The following NFIA variants were observed in gnomAD, a reference collection of about 807,000 sequenced individuals.
NFIA encodes nuclear factor 1 A-type.
Under a neutral mutation model 62.8 loss-of-function variants are expected in NFIA, and 8 were observed. The ratio of observed to expected loss-of-function variants is 0.13; its 90% CI spans 0.07 to 0.23. The LOEUF is 0.23. Ranked by LOEUF, NFIA falls within the 10% of genes least tolerant of loss-of-function variation. NFIA has a pLI of 1.00. For missense variants in NFIA, 410 were observed against 642.1 expected (o/e 0.64, Z 3.91); for synonymous variants, 235 against 238.1 (o/e 0.99, Z 0.12).
chr1:61,224,322 T>G (rs1394478542), intron 2 of NFIA, among the ~76,000 whole-genome samples: 1 of 151,904 alleles, frequency 6.6e-6, no homozygotes, highest in Non-Finnish European at 1.5e-5. Flanking sequence ...AAAAGTGTGC[T>G]TTTTTGGTGA....
At chr1:61,202,341 C>G (rs992371816) in intron 2 of NFIA, among the ~76,000 whole-genome samples, 1 of 152,108 alleles carries the variant, frequency 6.6e-6, no homozygotes, top group Non-Finnish European at 1.5e-5. Context: ...TTCCCTAAGA[C>G]TCTGGGAAGT....
At chr1:61,359,321 A>G (rs1663156826) in intron 6 of NFIA, 47 bp downstream of exon 6, 1 of 1,611,200 alleles carries the variant, frequency 6.2e-7, no homozygotes, top group Non-Finnish European at 8.5e-7. Flanking sequence ...TGTGAAACTG[A>G]AAATACGTGT....
intron 2 of NFIA, among the ~76,000 whole-genome samples, chr1:61,216,073 A>C (rs1653605465): frequency 6.6e-6 from 1 of 152,202 alleles, no homozygotes; most frequent in African/African-American, 2.4e-5. Flanking sequence ...TGTGATAGTC[A>C]TATCTTGTTG....
chr1:61,273,664 A>G (rs1272646189), intron 2 of NFIA, among the ~76,000 whole-genome samples: 1 of 152,196 alleles, frequency 6.6e-6, no homozygotes, highest in East Asian at 1.9e-4. Context: ...AGTACCGGGG[A>G]TAAGAGAAGA....
chr1:61,407,513 A>G (rs1020324861), intron 9 of NFIA, among the ~76,000 whole-genome samples: 2 of 152,232 alleles, frequency 1.3e-5, no homozygotes, highest in African/African-American at 4.8e-5. Context: ...TGAATGCACA[A>G]ATGTGCCTTT....
chr1:61,156,399 G>A (rs943002628), intron 2 of NFIA, among the ~76,000 whole-genome samples: 6 of 152,098 alleles, frequency 3.9e-5, no homozygotes, highest in Admixed American at 2.6e-4. Flanking sequence ...CCATTGAGAC[G>A]TAGCACTGGG....
intron 2 of NFIA, among the ~76,000 whole-genome samples, chr1:61,262,561 A>AT (rs1346152984): frequency 2.0e-5 from 3 of 152,128 alleles, no homozygotes; most frequent in Admixed American, 1.3e-4. Flanking sequence ...TGTAATGAGC[A>AT]TGAGTGTAGT....
chr1:61,444,964 T>C (rs1023776550), intron 10 of NFIA, among the ~76,000 whole-genome samples: 7 of 152,198 alleles, frequency 4.6e-5, no homozygotes, highest in African/African-American at 1.2e-4. Flanking sequence ...TATTGAGAGT[T>C]TGTTCCCAAA....
At chr1:61,170,492 G>C (rs766040318) in intron 2 of NFIA, among the ~76,000 whole-genome samples, 7 of 152,148 alleles carry the variant, frequency 4.6e-5, no homozygotes, top group Admixed American at 1.3e-4. Context: ...CTTGGGAGGT[G>C]CTCACAGTCG....
At chr1:61,083,338 C>T (rs1051859142) in intron 1 of NFIA, among the ~76,000 whole-genome samples, 6 of 152,106 alleles carry the variant, frequency 3.9e-5, no homozygotes, top group African/African-American at 1.2e-4. Flanking sequence ...CGGGTGCCTG[C>T]GCCCAACGGC....
At chr1:61,220,154 A>G (rs1293392033) in intron 2 of NFIA, among the ~76,000 whole-genome samples, 1 of 152,200 alleles carries the variant, frequency 6.6e-6, no homozygotes, top group African/African-American at 2.4e-5. Context: ...AACAAGGACT[A>G]GAAACCCCAC....
intron 2 of NFIA, among the ~76,000 whole-genome samples, chr1:61,255,874 G>A (rs1209456289): frequency 6.6e-6 from 1 of 152,154 alleles, no homozygotes; most frequent in Non-Finnish European, 1.5e-5. Flanking sequence ...TCTTGTGCTT[G>A]TTGATTTTTA....
At chr1:61,325,351 A>G (rs1328117196) in intron 3 of NFIA, among the ~76,000 whole-genome samples, 1 of 152,222 alleles carries the variant, frequency 6.6e-6, no homozygotes, top group African/African-American at 2.4e-5. Flanking sequence ...GTTTGTGTTC[A>G]TGAGAATGAA....
intron 3 of NFIA, among the ~76,000 whole-genome samples, chr1:61,292,208 T>C (rs1307042391): frequency 6.6e-6 from 1 of 152,154 alleles, no homozygotes; most frequent in Non-Finnish European, 1.5e-5. Flanking sequence ...AGTGATTTCT[T>C]TGGACACCGC....
chr1:61,329,264 T>A (rs771021954), intron 3 of NFIA, among the ~76,000 whole-genome samples: 2 of 151,404 alleles, frequency 1.3e-5, no homozygotes, highest in Non-Finnish European at 2.9e-5. Context: ...GCCAGGATGG[T>A]CTTGATTTCC....
intron 2 of NFIA, among the ~76,000 whole-genome samples, chr1:61,209,667 T>TACTACA (rs1012161230): frequency 8.8e-5 from 13 of 147,872 alleles, no homozygotes; most frequent in Non-Finnish European, 1.8e-4. Context: ...CTATGAAAAA[T>TACTACA]ACAACAACAA....
intron 3 of NFIA, among the ~76,000 whole-genome samples, chr1:61,329,381 ATTTT>A (rs58955783): frequency 9.2e-5 from 11 of 119,866 alleles, no homozygotes; most frequent in African/African-American, 3.2e-4. Context: ...TTTTAAAGTA[ATTTT>A]TTTTTTTTTT....
chr1:61,285,492 T>C (rs1020010538), intron 3 of NFIA, among the ~76,000 whole-genome samples: 1 of 152,206 alleles, frequency 6.6e-6, no homozygotes, highest in South Asian at 2.1e-4. Context: ...CTAATCCAGA[T>C]TGATTAGTTG....
chr1:61,241,577 G>A (rs1307209312), intron 2 of NFIA, among the ~76,000 whole-genome samples: 1 of 152,052 alleles, frequency 6.6e-6, no homozygotes, highest in African/African-American at 2.4e-5. Context: ...GGCTGCCAAG[G>A]TCTGAGCACA....
Sources: allele counts gnomAD v4.1 joint callset (sites outside exome capture counted in the v4.1 genomes callset), GRCh38; gene constraint gnomAD v4.1.1; transcripts MANE v1.5; gene names NCBI Gene and HGNC (gene_info 2026-07-23, HGNC 2026-07-21).